TOP1MT: variants seen among roughly 807,000 people sequenced by gnomAD.
TOP1MT encodes DNA topoisomerase I, mitochondrial.
TOP1MT carries 80 observed loss-of-function variants against 73.9 expected under a neutral mutation model. The ratio of observed to expected loss-of-function variants is 1.08; its 90% confidence interval spans 0.90 to 1.30. The LOEUF (loss-of-function observed/expected upper bound fraction) is 1.30. TOP1MT is among the 50% of genes most tolerant of loss of function. The pLI is 0.00. For synonymous variants in TOP1MT, 338 were observed against 326.4 expected (o/e 1.04, Z -0.38); for missense variants, 815 against 808.0 (o/e 1.01, Z -0.10).
intron 2 of TOP1MT, among the ~76,000 whole-genome samples, chr8:143,342,848 G>GAC (rs1817154339): frequency 6.7e-6 from 1 of 148,440 alleles, no homozygotes; most frequent in Non-Finnish European, 1.5e-5. Context: ...GCAGTGGCGT[G>GAC]ATCTCGGCTC....
intron 1 of TOP1MT, among the ~76,000 whole-genome samples, chr8:143,333,589 G>T (rs554565296): frequency 2.0e-5 from 3 of 152,206 alleles, no homozygotes; most frequent in Admixed American, 2.0e-4. Flanking sequence ...GCCGGCCAGC[G>T]GCCAGGCAGG....
rs373837055 is a variant in TOP1MT, at chr8:143,322,512, G to A, written c.961-1126C>T. Among the ~76,000 whole-genome samples, 108 of 79,452 alleles carry A rather than the reference G, an allele frequency of 1.4e-3. 2 individuals are homozygous for A. Among genetic ancestry groups the A allele is most frequent in the African/African-American group, 4.5e-3 (93 of 20,794 alleles). 52.1% of individuals were successfully genotyped at this position (79,452 alleles called of 152,430 possible). On this transcript the variant is annotated intron_variant, in intron 7 of 13. Coordinates refer to ENST00000329245, the MANE Select transcript of TOP1MT (RefSeq NM_052963.3). ...ACACGCACGCCACACACACAGGCAC[G>A]CCACACAACAGGCACGCCAAAGATG...
chr8:143,333,404 G>A (rs186157727), intron 1 of TOP1MT, among the ~76,000 whole-genome samples: 1 of 152,260 alleles, frequency 6.6e-6, no homozygotes, highest in African/African-American at 2.4e-5. Context: ...AGTTGAAATT[G>A]CACCACTGCA....
chr8:143,352,475 T>C (rs1019211995), intron 1 of TOP1MT, among the ~76,000 whole-genome samples: 14 of 152,310 alleles, frequency 9.2e-5, no homozygotes, highest in African/African-American at 3.1e-4. Flanking sequence ...ACTGTCCACA[T>C]GCATAGAATG....
upstream of TOP1MT, among the ~76,000 whole-genome samples, chr8:143,349,693 T>G (rs567078868): frequency 6.6e-6 from 1 of 150,906 alleles, no homozygotes; most frequent in African/African-American, 2.5e-5. Context: ...CAGGTTGGAG[T>G]GCAGTGGCAT....
chr8:143,309,364 T>G lies in TOP1MT; in HGVS notation c.*77A>C. On this transcript the variant is annotated 3_prime_UTR_variant, in exon 14 of 14. Transcript: ENST00000329245. ...ACAAGCACTTGCACACATTTTATTG[T>G]ACAAAATTCCCCAGTACTGCTTTAA... 6.7e-7 allele frequency: 1 copy of G among 1,490,692 alleles called. No homozygotes were observed. 92.3% of individuals were successfully genotyped at this position (1,490,692 alleles called of 1,614,324 possible).
At chr8:143,322,571 G>A (rs371629025) in intron 7 of TOP1MT, among the ~76,000 whole-genome samples, 7,299 of 87,444 alleles carry the variant, frequency 0.083, 555 homozygotes, top group Non-Finnish European at 0.1. Flanking sequence ...ACACAGACAC[G>A]CCACACACAT....
At position 143,315,994 on chromosome 8, in the gene TOP1MT, G is replaced by A. The variant is rs375754179; in HGVS notation, c.1458+5C>T. 1.2e-6 allele frequency: 2 copies of A among 1,614,162 alleles called. No individual in the cohort carries two copies. Among genetic ancestry groups the A allele is most frequent in the Non-Finnish European group, 8.5e-7 (1 of 1,179,988 alleles). On this transcript the variant is annotated splice_donor_5th_base_variant and intron_variant, in intron 11 of 13. Transcript: ENST00000329245. Reference sequence around the variant, plus strand: ...TGGGCTGGGGGCTCTCCTGGGAGCTGCTACCTTCGTCTGGAGATTCTGCAT... The same window carrying A: ...TGGGCTGGGGGCTCTCCTGGGAGCTACTACCTTCGTCTGGAGATTCTGCAT...
In TOP1MT at chr8:143,326,457, G is replaced by A. The variant is rs1156421477; in HGVS notation, c.361-113C>T. ...CTCTCGCCATGTCCGACGGAGGCGT[G>A]TGTGCAATAGGCAGAACCTGCGCAC... On this transcript the variant is annotated intron_variant, in intron 3 of 13. Coordinates refer to ENST00000329245, the MANE Select transcript of TOP1MT (RefSeq NM_052963.3). 2.1e-6 allele frequency: 3 copies of A among 1,428,350 alleles called. No homozygotes were observed. The Admixed American group carries it at 5.4e-5, about 26-fold the overall frequency. The allele number at this position is 1,428,350 out of a possible 1,614,324, so 88.5% of individuals were successfully genotyped here.
rs752348290 is a variant in TOP1MT at position 143,310,235 on chromosome 8, G to A, written c.1554-18C>T. 48 of 1,499,896 alleles carry A rather than the reference G, an allele frequency of 3.2e-5. No individual in the cohort carries two copies. The highest frequency in any genetic ancestry group is 4.2e-5 in the Non-Finnish European group (47 of 1,127,858). The allele number at this position is 1,499,896 out of a possible 1,614,324, so 92.9% of individuals were successfully genotyped here. A position where few individuals can be genotyped will look rare whatever the true frequency, so the allele number is the denominator to read the frequency against. ...CCAGGACACTGGCAAGAGAAGAGGA[G>A]GCCGCGAGGCCCCGCGCTGGACTAG... On this transcript the variant is annotated intron_variant, in intron 12 of 13. Coordinates refer to ENST00000329245, the MANE Select transcript of TOP1MT (RefSeq NM_052963.3).
intron 7 of TOP1MT, among the ~76,000 whole-genome samples, chr8:143,323,031 CAT>C (rs1190648479): frequency 1.3e-5 from 1 of 74,630 alleles, no homozygotes; most frequent in Admixed American, 1.7e-4. Context: ...CACACACACA[CAT>C]GCACGCCACA....
At chr8:143,345,650 A>G (rs1231070565), upstream of TOP1MT, among the ~76,000 whole-genome samples, 1 of 152,228 alleles carries the variant, frequency 6.6e-6, no homozygotes, top group African/African-American at 2.4e-5. Context: ...TTTAGCGCCA[A>G]CTCAGGGCTT....
At chr8:143,333,222 G>A (rs1418442958) in intron 1 of TOP1MT, among the ~76,000 whole-genome samples, 4 of 152,134 alleles carry the variant, frequency 2.6e-5, no homozygotes, top group East Asian at 1.9e-4. Context: ...CGAGGCGGGC[G>A]GATCACTTGA....
At chr8:143,328,159 T>A in intron 3 of TOP1MT, 1 of 433,478 alleles carries the variant, frequency 2.3e-6, no homozygotes, top group South Asian at 1.7e-5. Flanking sequence ...ATATTTCTGA[T>A]AATGGACTTA....
chr8:143,324,571 T>C lies in TOP1MT; in HGVS notation c.730A>G (p.Asn244Asp). The C allele has an allele frequency of 1.2e-6, 2 of 1,613,726 alleles. No individual in the cohort carries two copies. The highest frequency in any genetic ancestry group is 2.2e-5 in the South Asian group (2 of 91,080). The change falls in exon 6 of 14, where the codon AAC becomes GAC. Residue 244 changes from asparagine (N) to aspartate (D), a missense_variant. By Grantham distance (23) the Asn-to-Asp change is conservative. Transcript: ENST00000329245. The part of the protein sequence containing the change: ...GHQWKEVRSD[N>D]TVTWLAAWTE... ...CAAGCTGCCAGCCACGTGACGGTGT[T>C]ATCGGAGCGCACCTCCTTCCACTGG...
upstream of TOP1MT, among the ~76,000 whole-genome samples, chr8:143,356,752 C>T (rs1395299899): frequency 7.6e-6 from 1 of 130,734 alleles, no homozygotes; most frequent in African/African-American, 3.0e-5. Flanking sequence ...CGCCACTGAA[C>T]TCCAGCCTGG....
intron 1 of TOP1MT, among the ~76,000 whole-genome samples, chr8:143,353,418 T>TA (rs33998618): frequency 0.12 from 16,239 of 135,544 alleles, 3,025 homozygotes; most frequent in African/African-American, 0.4. Context: ...CCTGTCTCTT[T>TA]AAAAAAAAAA....
chr8:143,312,564 GTTAAC>G (rs901984436), intron 12 of TOP1MT, among the ~76,000 whole-genome samples: 10 of 152,056 alleles, frequency 6.6e-5, no homozygotes, highest in African/African-American at 9.7e-5. Flanking sequence ...AGTAAATTTT[GTTAAC>G]TTAACAAACA....
chr8:143,334,613 C>T, intron 1 of TOP1MT, 127 bp downstream of exon 1: 1 of 1,398,286 alleles, frequency 7.2e-7, no homozygotes, highest in South Asian at 1.3e-5. Flanking sequence ...GCATGCTCTC[C>T]TGGCCCGACT....
Sources: gnomAD v4.1 joint callset for allele counts (sites outside exome capture counted in the v4.1 genomes callset) on GRCh38, gnomAD v4.1.1 for gene constraint, MANE v1.5 for transcripts, NCBI Gene and HGNC (gene_info 2026-07-23, HGNC 2026-07-21) for gene names.